The following B3GAT2 variants were observed in gnomAD, a reference collection of about 807,000 sequenced individuals.
B3GAT2 encodes the protein galactosylgalactosylxylosylprotein 3-beta-glucuronosyltransferase 2.
A neutral mutation model predicts 27.8 loss-of-function variants in B3GAT2; 26 were observed. The observed-to-expected ratio is 0.93, with a 90% CI of 0.68 to 1.30. The LOEUF is 1.30. B3GAT2 is among the 50% of genes most tolerant of loss of function. The probability of loss-of-function intolerance (pLI) is 0.00; values close to 1 mark genes in which losing one functional copy is unlikely to be tolerated. For synonymous variants in B3GAT2, 218 were observed against 195.1 expected (o/e 1.12, Z -0.98); for missense variants, 458 against 459.0 (o/e 1.00, Z 0.02).
At chr6:70,940,844 C>T (rs1388586457) in intron 1 of B3GAT2, among the ~76,000 whole-genome samples, 1 of 152,152 alleles carries the variant, frequency 6.6e-6, no homozygotes, top group East Asian at 1.9e-4. Context: ...AGGGGAATCG[C>T]TTCAATCCAG....
At position 70,881,521 on chromosome 6, in the gene B3GAT2, G is replaced by A. The variant is rs367961494; in HGVS notation, c.736+12607C>T. Among the ~76,000 whole-genome samples, 238 of 152,214 alleles carry A rather than the reference G, an allele frequency of 1.6e-3. 11 individuals carry two copies. In the South Asian group the frequency reaches 0.045, roughly 29 times the overall value. The stretch of plus-strand genomic sequence containing the variant: ...AGGTACACCTGTGGCCACTTTGAGC[G>A]GTTTCCACAGAAAAACCAGGGAGTT... On this transcript the variant is annotated intron_variant, in intron 2 of 3. Transcript: ENST00000230053.
chr6:70,883,962 AGGG>A (rs1772138998), intron 2 of B3GAT2, among the ~76,000 whole-genome samples: 1 of 151,930 alleles, frequency 6.6e-6, no homozygotes, highest in Non-Finnish European at 1.5e-5. Context: ...AGATGGACAC[AGGG>A]GGTGGCCTGG....
At position 70,860,141 on chromosome 6, in the gene B3GAT2, G is replaced by C; in HGVS notation, c.*1522C>G. On this transcript the variant is annotated 3_prime_UTR_variant, in exon 4 of 4. Transcript: ENST00000230053. ...AAAAATGACCAACTGTGTGGCTAAA[G>C]AAACAAGAATTAAAAGTGAAGTAAG... 1.3e-6 allele frequency: 2 copies of C among 1,507,670 alleles called. No homozygotes were observed. The highest frequency in any genetic ancestry group is 2.7e-5 in the South Asian group (2 of 72,792). 93.4% of individuals were successfully genotyped at this position (1,507,670 alleles called of 1,614,324 possible).
chr6:70,934,109 C>T (rs546634772), intron 1 of B3GAT2, among the ~76,000 whole-genome samples: 1 of 152,314 alleles, frequency 6.6e-6, no homozygotes, highest in African/African-American at 2.4e-5. Flanking sequence ...GCCTTTGGCT[C>T]AGTCAGGCCT....
At chr6:70,920,305 C>A (rs890719929) in intron 1 of B3GAT2, among the ~76,000 whole-genome samples, 12 of 152,226 alleles carry the variant, frequency 7.9e-5, no homozygotes, top group African/African-American at 2.4e-4. Flanking sequence ...CAGGAGTGTA[C>A]TTTTCCTCTA....
rs546681390 is a variant in B3GAT2, at chr6:70,897,067, C to T, written c.592-2795G>A. 1.3e-3 allele frequency among the ~76,000 whole-genome samples: 204 copies of T among 152,328 alleles called. 6 individuals carry two copies. The highest frequency in any genetic ancestry group is 0.013 in the Admixed American group (203 of 15,300). On this transcript the variant is annotated intron_variant, in intron 1 of 3. Coordinates refer to ENST00000230053, the MANE Select transcript of B3GAT2 (RefSeq NM_080742.3). ...TCTAGTTCCTCCACATCCTCACCAA[C>T]ACTTGGTATTGTCGATCTTCAATTT...
chr6:70,870,257 T>G (rs1771912107), intron 2 of B3GAT2, among the ~76,000 whole-genome samples: 1 of 151,776 alleles, frequency 6.6e-6, no homozygotes, highest in South Asian at 2.1e-4. Flanking sequence ...TGGATGAAGC[T>G]GGAAACCATC....
At chr6:70,897,670 AATATAT>A (rs3034203) in intron 1 of B3GAT2, among the ~76,000 whole-genome samples, 85 of 92,338 alleles carry the variant, frequency 9.2e-4, no homozygotes, top group African/African-American at 3.4e-3. Flanking sequence ...AAAAAAAAAA[AATATAT>A]ATATATATAT....
chr6:70,856,681 A>T lies in B3GAT2; in HGVS notation c.*4982T>A. ...ATTCAAATTAAGAAGTACTGTCTTGATTGTAGATGTTTTTATATGGGCTTG... is the reference window on the plus strand; with the variant it reads ...ATTCAAATTAAGAAGTACTGTCTTGTTTGTAGATGTTTTTATATGGGCTTG... On this transcript the variant is annotated 3_prime_UTR_variant, in exon 4 of 4. Coordinates refer to ENST00000230053, the MANE Select transcript of B3GAT2 (RefSeq NM_080742.3). The T allele has an allele frequency of 1.9e-6, 1 of 519,550 alleles. No homozygotes were observed. The highest frequency in any genetic ancestry group is 4.3e-5 in the South Asian group (1 of 23,016). The allele number at this position is 519,550 out of a possible 1,614,324, so 32.2% of individuals were successfully genotyped here.
rs573797217 is a variant in B3GAT2 at position 70,861,395 on chromosome 6, G to A, written c.*268C>T. ...CTCAAGAGTGGTATCTTGCAGTATCGGCACTGTACAAAAAAATCTTCCAAT... is the reference window on the plus strand; with the variant it reads ...CTCAAGAGTGGTATCTTGCAGTATCAGCACTGTACAAAAAAATCTTCCAAT... On this transcript the variant is annotated 3_prime_UTR_variant, in exon 4 of 4. Coordinates refer to ENST00000230053, the MANE Select transcript of B3GAT2 (RefSeq NM_080742.3). 1.2e-3 allele frequency: 511 copies of A among 420,624 alleles called. 7 individuals carry two copies. The highest frequency in any genetic ancestry group is 9.0e-3 in the South Asian group (247 of 27,296). The allele number at this position is 420,624 out of a possible 1,614,324, so 26.1% of individuals were successfully genotyped here. A position where few individuals can be genotyped will look rare whatever the true frequency, so the allele number is the denominator to read the frequency against.
intron 1 of B3GAT2, among the ~76,000 whole-genome samples, chr6:70,929,118 C>A (rs569128027): frequency 6.6e-6 from 1 of 151,872 alleles, no homozygotes; most frequent in East Asian, 1.9e-4. Flanking sequence ...GGACAAAAAA[C>A]CAAACACCGC....
intron 2 of B3GAT2, among the ~76,000 whole-genome samples, chr6:70,886,939 C>T (rs1772198175): frequency 6.6e-6 from 1 of 152,210 alleles, no homozygotes; most frequent in Non-Finnish European, 1.5e-5. Context: ...CTCCCGGTGA[C>T]AATCACACTG....
Position 70,859,028 on chromosome 6 carries a change from T to C in B3GAT2, c.*2635A>G, listed in dbSNP as rs1308171477. ...ACTCTTCTTCCTTTTACACTTCCCATTGATGTTCCTCCAGCATTTTGGCAA... is the reference window on the plus strand; with the variant it reads ...ACTCTTCTTCCTTTTACACTTCCCACTGATGTTCCTCCAGCATTTTGGCAA... On this transcript the variant is annotated 3_prime_UTR_variant, in exon 4 of 4. Transcript: ENST00000230053. The C allele has an allele frequency of 5.6e-5, 12 of 212,682 alleles. No homozygotes were observed. The South Asian group carries it at 6.9e-4, about 12-fold the overall frequency. 13.2% of individuals were successfully genotyped at this position (212,682 alleles called of 1,614,324 possible). A position where few individuals can be genotyped will look rare whatever the true frequency, so the allele number is the denominator to read the frequency against.
intron 2 of B3GAT2, among the ~76,000 whole-genome samples, chr6:70,862,790 T>C (rs912377075): frequency 1.3e-5 from 2 of 152,108 alleles, no homozygotes; most frequent in African/African-American, 2.4e-5. Flanking sequence ...GGCAGCATAA[T>C]GAGACCCTGT....
At chr6:70,930,041 A>T (rs1773034053) in intron 1 of B3GAT2, among the ~76,000 whole-genome samples, 1 of 152,188 alleles carries the variant, frequency 6.6e-6, no homozygotes. Flanking sequence ...AATACCACAC[A>T]TCTACAACCA....
At chr6:70,891,633 T>G (rs1191821333) in intron 2 of B3GAT2, among the ~76,000 whole-genome samples, 1 of 152,150 alleles carries the variant, frequency 6.6e-6, no homozygotes, top group Non-Finnish European at 1.5e-5. Context: ...CCCACAAATG[T>G]TCCATTTGGG....
At chr6:70,872,287 T>C (rs1173032120) in intron 2 of B3GAT2, among the ~76,000 whole-genome samples, 3 of 151,934 alleles carry the variant, frequency 2.0e-5, no homozygotes, top group African/African-American at 7.2e-5. Flanking sequence ...GAAAGTGGGA[T>C]GTTGATAGTT....
At chr6:70,873,990 T>C (rs1259762788) in intron 2 of B3GAT2, among the ~76,000 whole-genome samples, 3 of 152,164 alleles carry the variant, frequency 2.0e-5, no homozygotes, top group African/African-American at 7.2e-5. Context: ...TTATCTTTAG[T>C]GGACTCCATA....
At chr6:70,914,503 G>C (rs1401841096) in intron 1 of B3GAT2, among the ~76,000 whole-genome samples, 2 of 152,072 alleles carry the variant, frequency 1.3e-5, no homozygotes, top group Non-Finnish European at 2.9e-5. Flanking sequence ...TGGTATATAT[G>C]TGCCACATTT....
Sources: gnomAD v4.1 joint callset for allele counts (sites outside exome capture counted in the v4.1 genomes callset) on GRCh38, gnomAD v4.1.1 for gene constraint, MANE v1.5 for transcripts, NCBI Gene and HGNC (gene_info 2026-07-23, HGNC 2026-07-21) for gene names.